Variants in LINGO2 observed in about 807,000 individuals in gnomAD.
LINGO2 encodes leucine rich repeat and Ig domain containing 2.
A neutral mutation model predicts 30.6 loss-of-function variants in LINGO2; 14 were observed. The ratio of observed to expected loss-of-function variants is 0.46; its 90% confidence interval spans 0.30 to 0.72. LINGO2 has a LOEUF of 0.72. Among genes scored for constraint, LINGO2 ranks in the 30% least tolerant of loss-of-function variants. The pLI is 0.07. For missense variants in LINGO2, 729 were observed against 751.7 expected (o/e 0.97, Z 0.35); for synonymous variants, 317 against 288.5 (o/e 1.10, Z -1.00).
chr9:28,328,165 T>C (rs1002626471), intron 3 of LINGO2, among the ~76,000 whole-genome samples: 7 of 152,128 alleles, frequency 4.6e-5, no homozygotes, highest in Admixed American at 1.3e-4. Flanking sequence ...CTATGGCTCA[T>C]AGCACGTGTA....
At chr9:29,071,504 T>TATATAG in the LINGO2 span, among the ~76,000 whole-genome samples, 5 of 117,124 alleles carry the variant, frequency 4.3e-5, no homozygotes, top group African/African-American at 1.7e-4. Context: ...TATATATATA[T>TATATAG]ATATATATAT....
chr9:27,970,707 G>A (rs552395681), intron 5 of LINGO2, among the ~76,000 whole-genome samples: 16 of 152,216 alleles, frequency 1.1e-4, no homozygotes, highest in African/African-American at 3.6e-4. Context: ...GGACTAATAA[G>A]AGTGAACTAT....
At chr9:28,425,963 C>T (rs750336357) in intron 2 of LINGO2, among the ~76,000 whole-genome samples, 21 of 151,832 alleles carry the variant, frequency 1.4e-4, no homozygotes, top group Admixed American at 5.3e-4. Flanking sequence ...CTACTTTAGG[C>T]GTATTTTCAA....
intron 1 of LINGO2, among the ~76,000 whole-genome samples, chr9:28,663,777 C>T (rs867328284): frequency 2.6e-5 from 4 of 152,116 alleles, no homozygotes; most frequent in East Asian, 3.9e-4. Context: ...CCCTGTCTGC[C>T]GTATGCTGAA....
the LINGO2 span, among the ~76,000 whole-genome samples, chr9:29,004,798 A>G: frequency 6.6e-6 from 1 of 151,868 alleles, no homozygotes; most frequent in African/African-American, 2.4e-5. Flanking sequence ...AATCAAAACA[A>G]TGATTAAAAC....
At chr9:29,174,088 A>G in the LINGO2 span, among the ~76,000 whole-genome samples, 1 of 152,134 alleles carries the variant, frequency 6.6e-6, no homozygotes, top group South Asian at 2.1e-4. Context: ...ATAACAGATA[A>G]AACTTCAAAA....
the LINGO2 span, among the ~76,000 whole-genome samples, chr9:28,918,882 C>T: frequency 2.0e-5 from 3 of 152,142 alleles, no homozygotes; most frequent in East Asian, 3.9e-4. Flanking sequence ...TTAGCAAAAA[C>T]CCTATTAGCT....
At chr9:28,940,276 G>A in the LINGO2 span, among the ~76,000 whole-genome samples, 1 of 152,028 alleles carries the variant, frequency 6.6e-6, no homozygotes, top group African/African-American at 2.4e-5. Flanking sequence ...GTAAAATTAT[G>A]GTACCCCACT....
At chr9:27,977,464 G>A (rs1180032324) in intron 5 of LINGO2, among the ~76,000 whole-genome samples, 1 of 151,836 alleles carries the variant, frequency 6.6e-6, no homozygotes, top group Non-Finnish European at 1.5e-5. Context: ...ATTACCTTTT[G>A]CACTTCTCCA....
the LINGO2 span, among the ~76,000 whole-genome samples, chr9:29,163,049 T>C: frequency 5.9e-4 from 90 of 152,282 alleles, no homozygotes; most frequent in Non-Finnish European, 1.2e-3. Flanking sequence ...CCCCTCAGTA[T>C]AAAACACAAA....
intron 4 of LINGO2, among the ~76,000 whole-genome samples, chr9:28,191,023 G>A (rs1478128141): frequency 6.6e-6 from 1 of 152,124 alleles, no homozygotes; most frequent in African/African-American, 2.4e-5. Flanking sequence ...TTAGCATTTT[G>A]AAGGCAGTAT....
chr9:28,952,105 C>G, the LINGO2 span, among the ~76,000 whole-genome samples: 1 of 152,036 alleles, frequency 6.6e-6, no homozygotes, highest in Non-Finnish European at 1.5e-5. Context: ...CATCCACACA[C>G]TTACGGGGCA....
intron 3 of LINGO2, among the ~76,000 whole-genome samples, chr9:28,365,222 C>T (rs2134531582): frequency 6.6e-6 from 1 of 151,958 alleles, no homozygotes; most frequent in South Asian, 2.1e-4. Context: ...AGGGCATTCT[C>T]AATAGAGGGA....
chr9:29,120,987 C>A, the LINGO2 span, among the ~76,000 whole-genome samples: 130 of 152,186 alleles, frequency 8.5e-4, no homozygotes, highest in Non-Finnish European at 1.6e-3. Flanking sequence ...CAAAACCATA[C>A]AGAAGTGTCA....
In LINGO2 at chr9:28,147,821, T is replaced by C. The variant is rs1827859292; in HGVS notation, c.-86-135416A>G. The stretch of plus-strand genomic sequence containing the variant: ...TGACTCCTCTTGTAGGCACCCTCGC[T>C]GGGCTCCTAAGCACTCCTCCACACC... On this transcript the variant is annotated intron_variant, in intron 4 of 5. Transcript: ENST00000379992. The surrounding 1 kb of genome is among the most constrained non-coding windows in gnomAD (Gnocchi z 4.7). Among the ~76,000 whole-genome samples, 1 of 152,128 alleles carries C rather than the reference T, an allele frequency of 6.6e-6. No individual in the cohort carries two copies. The highest frequency in any genetic ancestry group is 1.5e-5 in the Non-Finnish European group (1 of 68,016).
chr9:28,603,176 C>T (rs991487448), intron 1 of LINGO2, among the ~76,000 whole-genome samples: 13 of 152,016 alleles, frequency 8.6e-5, no homozygotes, highest in African/African-American at 3.1e-4. Flanking sequence ...ACTTTAAACA[C>T]CCTGATCCTC....
At chr9:28,915,049 T>C in the LINGO2 span, among the ~76,000 whole-genome samples, 1 of 152,156 alleles carries the variant, frequency 6.6e-6, no homozygotes, top group East Asian at 1.9e-4. Flanking sequence ...GGAGAATTGC[T>C]TGAACCCGGG....
At chr9:28,804,090 T>A in the LINGO2 span, among the ~76,000 whole-genome samples, 1 of 152,070 alleles carries the variant, frequency 6.6e-6, no homozygotes, top group African/African-American at 2.4e-5. Context: ...GCCTCTTGTG[T>A]TAAATTCTCT....
chr9:27,988,901 T>TAAAAAAGA (rs760413966), intron 5 of LINGO2, among the ~76,000 whole-genome samples: 72 of 148,824 alleles, frequency 4.8e-4, no homozygotes, highest in Non-Finnish European at 8.2e-4. Context: ...CACTTCATCT[T>TAAAAAAGA]AAAAAAGAAA....
Sources: gnomAD v4.1 joint callset for allele counts (sites outside exome capture counted in the v4.1 genomes callset) on GRCh38, gnomAD v4.1.1 for gene constraint, Gnocchi (gnomAD v3.1) non-coding constraint, MANE v1.5 for transcripts, NCBI Gene and HGNC (gene_info 2026-07-23, HGNC 2026-07-21) for gene names.